Variants in FAT3 observed in about 807,000 individuals in gnomAD.
FAT3 encodes the protein FAT atypical cadherin 3.
FAT3 carries 95 observed loss-of-function variants against 310.2 expected under a neutral mutation model. The ratio of observed to expected loss-of-function variants is 0.31; its 90% confidence interval spans 0.26 to 0.36. The LOEUF is 0.36. FAT3 is among the 10% of genes least tolerant of loss of function. The pLI, the probability that FAT3 is intolerant of heterozygous loss-of-function variation, is 1.00. For missense variants in FAT3, 5,408 were observed against 5,715.6 expected, an observed-to-expected ratio of 0.95 and a Z score of 1.74; for synonymous variants, 2,314 against 2,192.9, an observed-to-expected ratio of 1.06 and a Z score of -1.54.
chr11:92,628,045 A>G (rs1369384444), intron 3 of FAT3, among the ~76,000 whole-genome samples: 2 of 152,146 alleles, frequency 1.3e-5, no homozygotes, highest in Non-Finnish European at 2.9e-5. Context: ...ACAGGTCAGT[A>G]TAGTCTTCCT....
intron 1 of FAT3, among the ~76,000 whole-genome samples, chr11:92,341,579 A>G (rs959275214): frequency 1.8e-4 from 28 of 152,214 alleles, no homozygotes; most frequent in African/African-American, 6.8e-4. Context: ...ATTGTCAGCA[A>G]ACTTTTGGAT....
At chr11:92,716,218 G>T (rs1489924386) in intron 4 of FAT3, among the ~76,000 whole-genome samples, 1 of 152,152 alleles carries the variant, frequency 6.6e-6, no homozygotes. Flanking sequence ...GAATAGGAAG[G>T]AGTGAAGGAA....
At chr11:92,663,578 T>A (rs190071442) in intron 3 of FAT3, among the ~76,000 whole-genome samples, 34 of 152,294 alleles carry the variant, frequency 2.2e-4, no homozygotes, top group African/African-American at 7.9e-4. Context: ...AATGTAAACT[T>A]ACTCCTCCTT....
At chr11:92,492,133 A>G (rs1256896333) in intron 2 of FAT3, among the ~76,000 whole-genome samples, 1 of 152,098 alleles carries the variant, frequency 6.6e-6, no homozygotes, top group Non-Finnish European at 1.5e-5. Context: ...TTGTAATTAT[A>G]TATGTACTCC....
At chr11:92,566,528 A>ATT (rs1158273336) in intron 3 of FAT3, among the ~76,000 whole-genome samples, 4 of 140,734 alleles carry the variant, frequency 2.8e-5, no homozygotes, top group African/African-American at 9.7e-5. Context: ...CAGAATTGGA[A>ATT]AAAAACTACT....
intron 4 of FAT3, among the ~76,000 whole-genome samples, chr11:92,761,442 G>A (rs1325362412): frequency 2.0e-5 from 3 of 152,198 alleles, no homozygotes; most frequent in African/African-American, 7.2e-5. Flanking sequence ...ACTATAGCAT[G>A]AAGACTGGAA....
chr11:92,839,517 A>G (rs527658548), intron 17 of FAT3, among the ~76,000 whole-genome samples: 44 of 152,326 alleles, frequency 2.9e-4, no homozygotes, highest in African/African-American at 9.4e-4. Flanking sequence ...TTCTTCTTCA[A>G]AAAATATGCC....
chr11:92,661,324 T>C (rs922463172), intron 3 of FAT3, among the ~76,000 whole-genome samples: 1 of 152,176 alleles, frequency 6.6e-6, no homozygotes, highest in African/African-American at 2.4e-5. Context: ...GATGGTCACA[T>C]GAAGCCGACA....
intron 3 of FAT3, chr11:92,559,679 A>G (rs1272015645): frequency 6.4e-6 from 1 of 156,618 alleles, no homozygotes; most frequent in African/African-American, 2.4e-5. Context: ...CCCAGCCCTT[A>G]TGCTGGACAT....
At position 92,608,312 on chromosome 11, in the gene FAT3, C is replaced by T. The variant is rs558692217; in HGVS notation, c.3607+83364C>T. 4.6e-5 allele frequency among the ~76,000 whole-genome samples: 7 copies of T among 152,224 alleles called. No individual in the cohort carries two copies. In the South Asian group the frequency reaches 1.0e-3, roughly 23 times the overall value. On this transcript the variant is annotated intron_variant, in intron 3 of 27. Transcript: ENST00000525166. The stretch of plus-strand genomic sequence containing the variant: ...ATGAGTTCTGATGGGTTTTATGTTA[C>T]GAGGATATTGATACTTGTCAATGCT...
chr11:92,366,157 C>A (rs1188506896), intron 2 of FAT3, among the ~76,000 whole-genome samples: 1 of 152,140 alleles, frequency 6.6e-6, no homozygotes, highest in Non-Finnish European at 1.5e-5. Flanking sequence ...CCTTATTGGT[C>A]ATGGCTTAGC....
intron 3 of FAT3, among the ~76,000 whole-genome samples, chr11:92,661,791 C>T (rs1240550350): frequency 6.6e-6 from 1 of 151,974 alleles, no homozygotes; most frequent in Non-Finnish European, 1.5e-5. Flanking sequence ...AAATCAGCAT[C>T]TAATTTTTTC....
intron 3 of FAT3, among the ~76,000 whole-genome samples, chr11:92,529,714 G>A (rs1954002390): frequency 6.6e-6 from 1 of 152,174 alleles, no homozygotes; most frequent in Admixed American, 6.5e-5. Flanking sequence ...GTCTGCCTGT[G>A]AAAGTGATTT....
chr11:92,628,411 T>C (rs900944706), intron 3 of FAT3, among the ~76,000 whole-genome samples: 4 of 152,234 alleles, frequency 2.6e-5, no homozygotes, highest in Admixed American at 2.6e-4. Context: ...AGCTTACTAA[T>C]ATCTTACTCC....
intron 2 of FAT3, among the ~76,000 whole-genome samples, chr11:92,445,941 G>C (rs190010697): frequency 6.6e-6 from 1 of 152,262 alleles, no homozygotes; most frequent in African/African-American, 2.4e-5. Context: ...TGCTGTTAGA[G>C]CAAAAAGTCA....
At chr11:92,644,838 C>A (rs895331015) in intron 3 of FAT3, among the ~76,000 whole-genome samples, 1 of 152,144 alleles carries the variant, frequency 6.6e-6, no homozygotes, top group African/African-American at 2.4e-5. Context: ...CTCTAACATG[C>A]GTGACTGGTT....
At position 92,826,307 on chromosome 11, in the gene FAT3, T is replaced by A. The variant is rs994879463; in HGVS notation, c.9482-5315T>A. Among the ~76,000 whole-genome samples the A allele has an allele frequency of 2.0e-5, 3 of 152,252 alleles. No individual in the cohort carries two copies. In the East Asian group the frequency reaches 5.8e-4, roughly 29 times the overall value. ...AATTCTTACAGTTTAAATAAGAGCA[T>A]GAGTTAATCACCAAGCCTGGGTCAT... On this transcript the variant is annotated intron_variant, in intron 13 of 27. Transcript: ENST00000525166.
chr11:92,681,496 G>C (rs1311271582), intron 3 of FAT3, among the ~76,000 whole-genome samples: 1 of 152,224 alleles, frequency 6.6e-6, no homozygotes, highest in Non-Finnish European at 1.5e-5. Flanking sequence ...TTTCAGGGCA[G>C]CTGGAACCTG....
intron 1 of FAT3, among the ~76,000 whole-genome samples, chr11:92,306,772 TTA>T (rs1231820671): frequency 7.7e-6 from 1 of 130,188 alleles, no homozygotes; most frequent in Admixed American, 9.8e-5. Context: ...TATAAATAAA[TTA>T]TATATATATA....
Sources: gnomAD v4.1 joint callset for allele counts (sites outside exome capture counted in the v4.1 genomes callset) on GRCh38, gnomAD v4.1.1 for gene constraint, MANE v1.5 for transcripts, NCBI Gene and HGNC (gene_info 2026-07-23, HGNC 2026-07-21) for gene names.